RNPC3: variants seen among roughly 807,000 people sequenced by gnomAD.
RNPC3 encodes RNA binding region (RNP1, RRM) containing 3.
Under a neutral mutation model 67.5 loss-of-function variants are expected in RNPC3, and 48 were observed. The ratio of observed to expected loss-of-function variants is 0.71; its 90% CI spans 0.56 to 0.90. RNPC3 has a LOEUF of 0.90. Ranked by LOEUF, RNPC3 falls within the 40% of genes least tolerant of loss-of-function variation. The pLI is 0.00. For missense variants in RNPC3, 637 were observed against 626.1 expected, an observed-to-expected ratio of 1.02 and a Z score of -0.19; for synonymous variants, 239 against 210.3, an observed-to-expected ratio of 1.14 and a Z score of -1.18.
intron 2 of RNPC3, among the ~76,000 whole-genome samples, chr1:103,532,655 G>C (rs1650886800): frequency 6.6e-6 from 1 of 152,062 alleles, no homozygotes; most frequent in African/African-American, 2.4e-5. Flanking sequence ...ACAAGTCAAA[G>C]AGATGGAGGA....
intron 12 of RNPC3, among the ~76,000 whole-genome samples, chr1:103,547,958 G>A (rs933892690): frequency 3.9e-5 from 6 of 152,144 alleles, no homozygotes; most frequent in Non-Finnish European, 8.8e-5. Context: ...ATCACCATGT[G>A]GGAGCTGCCA....
intron 7 of RNPC3, among the ~76,000 whole-genome samples, chr1:103,539,680 C>G (rs1309970259): frequency 6.6e-6 from 1 of 152,140 alleles, no homozygotes; most frequent in African/African-American, 2.4e-5. Context: ...GTACCAAGCT[C>G]TAGTTTCATG....
chr1:103,551,204 T>A, intron 13 of RNPC3, 131 bp downstream of exon 13: 1 of 714,652 alleles, frequency 1.4e-6, no homozygotes, highest in Non-Finnish European at 2.3e-6. Flanking sequence ...TCGTTACAAT[T>A]AAACCCACCT....
chr1:103,536,896 G>A (rs1651000026), intron 6 of RNPC3, among the ~76,000 whole-genome samples: 2 of 151,958 alleles, frequency 1.3e-5, no homozygotes. Flanking sequence ...TACAATAAAA[G>A]TTATTTTTGG....
At chr1:103,532,603 A>G (rs1650885897) in intron 2 of RNPC3, among the ~76,000 whole-genome samples, 1 of 152,116 alleles carries the variant, frequency 6.6e-6, no homozygotes, top group Non-Finnish European at 1.5e-5. Flanking sequence ...GACCAGGACA[A>G]GAGCTCTGGA....
rs1454797433 is a variant in RNPC3, at chr1:103,525,770, C to A, written c.-301C>A. On this transcript the variant is annotated 5_prime_UTR_variant, in exon 1 of 15. Coordinates refer to ENST00000423855, the MANE Select transcript of RNPC3 (RefSeq NM_017619.4). ...AAGTGGCTGGGGTTCCTGTTTCCTT[C>A]TTTGATTGACAACTTGTGTTAACCC... 7.9e-6 allele frequency: 2 copies of A among 252,568 alleles called. No individual in the cohort carries two copies. Among genetic ancestry groups the A allele is most frequent in the Non-Finnish European group, 1.5e-5 (2 of 131,874 alleles). The allele number at this position is 252,568 out of a possible 1,614,324, so 15.6% of individuals were successfully genotyped here. A position where few individuals can be genotyped will look rare whatever the true frequency, so the allele number is the denominator to read the frequency against.
intron 13 of RNPC3, among the ~76,000 whole-genome samples, 170 bp from the exon 14 acceptor site, chr1:103,551,551 G>T (rs901658653): frequency 6.6e-6 from 1 of 152,088 alleles, no homozygotes; most frequent in African/African-American, 2.4e-5. Context: ...AATAATGACT[G>T]TAAAGGAAAA....
intron 2 of RNPC3, among the ~76,000 whole-genome samples, chr1:103,529,379 G>A (rs2101041730): frequency 6.6e-6 from 1 of 152,306 alleles, no homozygotes; most frequent in East Asian, 1.9e-4. Flanking sequence ...CATGGAGCCA[G>A]TCATTGTCTT....
At chr1:103,551,831 TTC>T in intron 14 of RNPC3, 39 bp downstream of exon 14, 1 of 1,041,114 alleles carries the variant, frequency 9.6e-7, no homozygotes, top group South Asian at 1.6e-5. Context: ...ACAAGACTAA[TTC>T]TTGAGATAAA....
rs1300541724 is a variant in RNPC3 at position 103,526,046 on chromosome 1, TTC to T, written c.-23_-22del. 6.7e-7 allele frequency: 1 copy of T among 1,493,678 alleles called. No individual in the cohort carries two copies. Among genetic ancestry groups the T allele is most frequent in the African/African-American group, 1.4e-5 (1 of 71,058 alleles). The allele number at this position is 1,493,678 out of a possible 1,614,324, so 92.5% of individuals were successfully genotyped here. On this transcript the variant is annotated 5_prime_UTR_variant, in exon 1 of 15. Coordinates refer to ENST00000423855, the MANE Select transcript of RNPC3 (RefSeq NM_017619.4). The stretch of plus-strand genomic sequence containing the variant: ...TTTGACTGAGACTTCTTCCCACGAT[TTC>T]TGTTTTTGCTTCTCCAAGGAAAATG...
chr1:103,540,641 CTT>C lies in RNPC3; in HGVS notation c.768-706_768-705del, dbSNP rs1310900696. Among the ~76,000 whole-genome samples, 7 of 152,276 alleles carry C rather than the reference CTT, an allele frequency of 4.6e-5. No individual in the cohort carries two copies. The East Asian group carries it at 9.6e-4, about 21-fold the overall frequency. On this transcript the variant is annotated intron_variant, in intron 7 of 14. Transcript: ENST00000423855. ...ATTTGAACAATGCCCTCCTTCCTCT[CTT>C]TTGTATTTTGTTGTGTGTGTATTTT...
intron 11 of RNPC3, 132 bp from the exon 12 acceptor site, chr1:103,546,845 A>C: frequency 3.8e-6 from 2 of 522,144 alleles, no homozygotes; most frequent in South Asian, 6.3e-5. Context: ...TTGAAAGGCC[A>C]CCAGTCATAT....
At chr1:103,536,333 A>G (rs1301168663) in intron 6 of RNPC3, 139 bp downstream of exon 6, 4 of 602,438 alleles carry the variant, frequency 6.6e-6, no homozygotes, top group South Asian at 2.1e-5. Flanking sequence ...TGATGATAAT[A>G]GTAGAACTGA....
At chr1:103,535,245 T>G in intron 4 of RNPC3, 85 bp from the exon 5 acceptor site, 1 of 777,576 alleles carries the variant, frequency 1.3e-6, no homozygotes, top group Non-Finnish European at 2.1e-6. Flanking sequence ...ATTTGAGCAG[T>G]GTGTTTGTTA....
In RNPC3 at chr1:103,537,417, G is replaced by C. The variant is rs1651012454; in HGVS notation, c.700G>C (p.Asp234His). The change falls in exon 7 of 15, where the codon GAC becomes CAC. Residue 234 changes from aspartate (D) to histidine (H), a missense_variant. Transcript: ENST00000423855. Reference sequence around the variant, plus strand: ...GCCACCTGAGGAACCTCCTTTGCCAGACGAGGATGAGGAATTATCTAGTGA... The same window carrying C: ...GCCACCTGAGGAACCTCCTTTGCCACACGAGGATGAGGAATTATCTAGTGA... ...PQPPEEPPLP[D>H]EDEELSSEES... 2 of 1,536,268 alleles carry C rather than the reference G, an allele frequency of 1.3e-6. No individual in the cohort carries two copies. Among genetic ancestry groups the C allele is most frequent in the African/African-American group, 2.7e-5 (2 of 73,020 alleles).
chr1:103,539,626 C>T (rs1239368910), intron 7 of RNPC3, among the ~76,000 whole-genome samples: 2 of 152,142 alleles, frequency 1.3e-5, no homozygotes, highest in African/African-American at 4.8e-5. Flanking sequence ...GGAATTCTGC[C>T]AGTAATTCAT....
intron 7 of RNPC3, among the ~76,000 whole-genome samples, chr1:103,539,949 A>G (rs1249372999): frequency 6.6e-6 from 1 of 151,938 alleles, no homozygotes; most frequent in Non-Finnish European, 1.5e-5. Flanking sequence ...TGCATATTCA[A>G]CCTCCCGGGC....
chr1:103,527,820 G>T (rs528156001), intron 2 of RNPC3, 78 bp downstream of exon 2: 4 of 1,067,920 alleles, frequency 3.7e-6, no homozygotes, highest in Non-Finnish European at 2.7e-6. Flanking sequence ...GTTTAACTGT[G>T]GTTTTTAAGA....
chr1:103,555,011 A>G (rs1276411081), intron 14 of RNPC3, 23 bp from the exon 15 acceptor site: 1 of 151,996 alleles, frequency 6.6e-6, no homozygotes, highest in Non-Finnish European at 1.5e-5. Context: ...TCCTATTTTT[A>G]ATGGGCTTTT....
Sources: allele counts gnomAD v4.1 joint callset (sites outside exome capture counted in the v4.1 genomes callset), GRCh38; gene constraint gnomAD v4.1.1; transcripts MANE v1.5; gene names NCBI Gene and HGNC (gene_info 2026-07-23, HGNC 2026-07-21).